WIPF2: variants seen among roughly 807,000 people sequenced by gnomAD.
The protein encoded by WIPF2 is WAS/WASL-interacting protein family member 2.
A neutral mutation model predicts 38.8 loss-of-function variants in WIPF2; 23 were observed. The observed-to-expected ratio is 0.59, with a 90% CI of 0.43 to 0.84. The LOEUF (loss-of-function observed/expected upper bound fraction) is 0.84, where lower values mean the gene tolerates loss of function less well. Ranked by LOEUF, WIPF2 falls within the 40% of genes least tolerant of loss-of-function variation. The probability of loss-of-function intolerance (pLI) is 0.00; values close to 1 mark genes in which losing one functional copy is unlikely to be tolerated. For synonymous variants in WIPF2, 210 were observed against 223.2 expected, an observed-to-expected ratio of 0.94 and a Z score of 0.53; for missense variants, 574 against 580.5, an observed-to-expected ratio of 0.99 and a Z score of 0.11.
At chr17:40,248,190 T>TG (rs1358549308) in intron 1 of WIPF2, among the ~76,000 whole-genome samples, 1 of 137,142 alleles carries the variant, frequency 7.3e-6, no homozygotes, top group Non-Finnish European at 1.6e-5. Flanking sequence ...TTTTTTTTTT[T>TG]GAGACTCTCT....
chr17:40,262,295 C>T (rs1026136321), intron 3 of WIPF2, among the ~76,000 whole-genome samples: 3 of 151,956 alleles, frequency 2.0e-5, no homozygotes, highest in African/African-American at 7.3e-5. Context: ...ATTGCCTAGG[C>T]TGCTCTCGAA....
At chr17:40,271,196 G>A (rs1219433455) in intron 5 of WIPF2, among the ~76,000 whole-genome samples, 5 of 152,058 alleles carry the variant, frequency 3.3e-5, no homozygotes, top group African/African-American at 9.7e-5. Context: ...GGCTGATCTC[G>A]AACTCCTGGC....
chr17:40,241,294 G>A (rs2031181726), intron 1 of WIPF2, among the ~76,000 whole-genome samples: 2 of 152,110 alleles, frequency 1.3e-5, no homozygotes, highest in Admixed American at 6.6e-5. Context: ...CCCTAAATAT[G>A]TCTTATCTTC....
intron 1 of WIPF2, among the ~76,000 whole-genome samples, chr17:40,240,670 C>G (rs1366185478): frequency 6.6e-6 from 1 of 151,844 alleles, no homozygotes; most frequent in South Asian, 2.1e-4. Context: ...CCTGGCCAGG[C>G]ACGGTATCTC....
In WIPF2 at chr17:40,264,716, AC is replaced by A; in HGVS notation, c.545del (p.Pro182GlnfsTer56). 1 of 1,212,378 alleles carries A rather than the reference AC, an allele frequency of 8.2e-7. No individual in the cohort carries two copies. Among genetic ancestry groups the A allele is most frequent in the Non-Finnish European group, 1.1e-6 (1 of 952,344 alleles). 75.1% of individuals were successfully genotyped at this position (1,212,378 alleles called of 1,614,324 possible). ...KHSSSAPPPP[P>X]PGRRANAPPT... The stretch of plus-strand genomic sequence containing the variant: ...ACAGCTCCTCTGCCCCTCCCCCACC[AC>A]CCCCAGGGCGGCGTGCCAACGCACC... On this transcript the variant is annotated frameshift_variant, in exon 5 of 8. Coordinates refer to ENST00000323571, the MANE Select transcript of WIPF2 (RefSeq NM_133264.5). LOFTEE classifies it high-confidence loss of function.
At chr17:40,274,605 C>T (rs544489527) in intron 6 of WIPF2, among the ~76,000 whole-genome samples, 4 of 122,304 alleles carry the variant, frequency 3.3e-5, no homozygotes, top group African/African-American at 1.2e-4. Context: ...TCCCATGGCA[C>T]ATTGCCTGGA....
At position 40,224,471 on chromosome 17, in the gene WIPF2, C is replaced by T. The variant is rs2030397474; in HGVS notation, c.-70+4979C>T. ...AACTTGTTAGCGAGGATGTCTTGAT[C>T]TCCTGACCTTGTGATCCACCCGCCT... On this transcript the variant is annotated intron_variant, in intron 1 of 7. Coordinates refer to ENST00000323571, the MANE Select transcript of WIPF2 (RefSeq NM_133264.5). Among the ~76,000 whole-genome samples, 5 of 135,530 alleles carry T rather than the reference C, an allele frequency of 3.7e-5. No individual in the cohort carries two copies. The South Asian group carries it at 1.1e-3, about 31-fold the overall frequency. The allele number at this position is 135,530 out of a possible 152,430, so 88.9% of individuals were successfully genotyped here.
intron 2 of WIPF2, among the ~76,000 whole-genome samples, chr17:40,260,179 C>CTTTTTTTTTTT (rs34757828): frequency 2.0e-5 from 2 of 101,048 alleles, no homozygotes; most frequent in African/African-American, 3.8e-5. Context: ...ATAAAGGGAA[C>CTTTTTTTTTTT]TTTTTTTTTT....
intron 4 of WIPF2, among the ~76,000 whole-genome samples, chr17:40,263,426 A>G (rs1055769293): frequency 6.6e-6 from 1 of 152,084 alleles, no homozygotes; most frequent in Non-Finnish European, 1.5e-5. Flanking sequence ...CCTGTTCCTA[A>G]CAGGCCACTG....
intron 1 of WIPF2, among the ~76,000 whole-genome samples, chr17:40,224,425 T>C (rs1293875980): frequency 6.7e-6 from 1 of 149,368 alleles, no homozygotes; most frequent in Non-Finnish European, 1.5e-5. Flanking sequence ...TTTTTTTTTT[T>C]TGTAGTAGAG....
intron 3 of WIPF2, among the ~76,000 whole-genome samples, chr17:40,261,395 T>C (rs2031896124): frequency 6.6e-6 from 1 of 151,934 alleles, no homozygotes; most frequent in Non-Finnish European, 1.5e-5. Flanking sequence ...CCTCCCAGGT[T>C]CAGGTGGTTC....
chr17:40,275,713 G>GCAC (rs2032376941), intron 6 of WIPF2, among the ~76,000 whole-genome samples: 1 of 152,076 alleles, frequency 6.6e-6, no homozygotes, highest in African/African-American at 2.4e-5. Flanking sequence ...CCACAGGTGT[G>GCAC]CACCACCATG....
Position 40,283,050 on chromosome 17 carries a change from A to G in WIPF2, c.*4825A>G, listed in dbSNP as rs2032584545. On this transcript the variant is annotated 3_prime_UTR_variant, in exon 8 of 8. Coordinates refer to ENST00000323571, the MANE Select transcript of WIPF2 (RefSeq NM_133264.5). Reference sequence around the variant, plus strand: ...GAAAATACAAAAATTAACCGGTGTCATGGCGCATGCCTGTAGTCCCAGCTA... The same window carrying G: ...GAAAATACAAAAATTAACCGGTGTCGTGGCGCATGCCTGTAGTCCCAGCTA... 1.3e-5 allele frequency: 2 copies of G among 148,916 alleles called. No homozygotes were observed. Among genetic ancestry groups the G allele is most frequent in the African/African-American group, 4.9e-5 (2 of 40,614 alleles). 9.2% of individuals were successfully genotyped at this position (148,916 alleles called of 1,614,324 possible). A position where few individuals can be genotyped will look rare whatever the true frequency, so the allele number is the denominator to read the frequency against.
At chr17:40,276,366 A>C (rs1200250171) in intron 6 of WIPF2, among the ~76,000 whole-genome samples, 1 of 151,754 alleles carries the variant, frequency 6.6e-6, no homozygotes, top group Non-Finnish European at 1.5e-5. Flanking sequence ...TATCTCTACT[A>C]AAAATACAAA....
intron 6 of WIPF2, 68 bp from the exon 7 acceptor site, chr17:40,277,015 G>A (rs776235713): frequency 9.5e-6 from 13 of 1,369,864 alleles, no homozygotes; most frequent in East Asian, 2.3e-5. Context: ...GGGGAGGGTC[G>A]AAGCGATCAG....
rs1279230311 is a variant in WIPF2 at position 40,279,227 on chromosome 17, A to G, written c.*1002A>G. On this transcript the variant is annotated 3_prime_UTR_variant, in exon 8 of 8. Transcript: ENST00000323571. ...GCTCTTTCTGTCCTTCAGCCCCTGG[A>G]AGGTGCTCCAGGATAACAAAGAAGG... 2.0e-5 allele frequency: 3 copies of G among 152,242 alleles called. No individual in the cohort carries two copies. The highest frequency in any genetic ancestry group is 1.3e-4 in the Admixed American group (2 of 15,276). The allele number at this position is 152,242 out of a possible 1,614,324, so 9.4% of individuals were successfully genotyped here. A position where few individuals can be genotyped will look rare whatever the true frequency, so the allele number is the denominator to read the frequency against.
chr17:40,231,209 T>C (rs906082961), intron 1 of WIPF2, among the ~76,000 whole-genome samples: 1 of 152,292 alleles, frequency 6.6e-6, no homozygotes, highest in Admixed American at 6.5e-5. Context: ...AAGAGACTCC[T>C]TGACAATGAA....
intron 1 of WIPF2, among the ~76,000 whole-genome samples, chr17:40,238,459 A>G (rs2031064667): frequency 6.6e-6 from 1 of 151,816 alleles, no homozygotes; most frequent in African/African-American, 2.4e-5. Flanking sequence ...ACCCGCCATC[A>G]TGCCCGGCTA....
chr17:40,234,380 C>T (rs2030871559), intron 1 of WIPF2, among the ~76,000 whole-genome samples: 1 of 152,096 alleles, frequency 6.6e-6, no homozygotes, highest in South Asian at 2.1e-4. Context: ...TTGCAGTGAG[C>T]TGAGATTGCG....
Sources: gnomAD v4.1 joint callset for allele counts (sites outside exome capture counted in the v4.1 genomes callset) on GRCh38, gnomAD v4.1.1 for gene constraint, MANE v1.5 for transcripts, NCBI Gene and HGNC (gene_info 2026-07-23, HGNC 2026-07-21) for gene names.